LINGO2: variants seen among roughly 807,000 people sequenced by gnomAD.
The protein encoded by LINGO2 is leucine-rich repeat and immunoglobulin-like domain-containing nogo receptor-interacting protein 2.
LINGO2 carries 14 observed loss-of-function variants against 30.6 expected under a neutral mutation model. The ratio of observed to expected loss-of-function variants is 0.46; its 90% CI spans 0.30 to 0.72. The LOEUF is 0.72. Among genes scored for constraint, LINGO2 ranks in the 30% least tolerant of loss-of-function variants. The probability of loss-of-function intolerance (pLI) is 0.07; values close to 1 mark genes in which losing one functional copy is unlikely to be tolerated. For synonymous variants in LINGO2, 317 were observed against 288.5 expected (o/e 1.10, Z -1.00); for missense variants, 729 against 751.7 (o/e 0.97, Z 0.35).
the LINGO2 span, among the ~76,000 whole-genome samples, chr9:29,030,122 A>G: frequency 6.6e-6 from 1 of 152,120 alleles, no homozygotes; most frequent in Non-Finnish European, 1.5e-5. Context: ...TTATGTATTG[A>G]ATTGAGTCCT....
chr9:28,303,317 G>T (rs1254296266), intron 3 of LINGO2, among the ~76,000 whole-genome samples: 1 of 152,084 alleles, frequency 6.6e-6, no homozygotes, highest in Non-Finnish European at 1.5e-5. Flanking sequence ...GGATAATCTT[G>T]GAGGGAAGGA....
At chr9:28,859,719 T>G in the LINGO2 span, among the ~76,000 whole-genome samples, 1 of 151,982 alleles carries the variant, frequency 6.6e-6, no homozygotes, top group African/African-American at 2.4e-5. Context: ...ATATGAATAT[T>G]TTACCATTCT....
the LINGO2 span, among the ~76,000 whole-genome samples, chr9:28,817,231 T>G: frequency 8.0e-6 from 1 of 125,696 alleles, no homozygotes; most frequent in African/African-American, 2.6e-5. Flanking sequence ...AGGATTTGAC[T>G]TAAGATAAAA....
chr9:28,031,170 C>T, intron 4 of LINGO2, among the ~76,000 whole-genome samples: 1 of 152,062 alleles, frequency 6.6e-6, no homozygotes, highest in East Asian at 1.9e-4. Flanking sequence ...AAACACTCAT[C>T]TTCCTGGAGG....
At chr9:28,182,419 T>C (rs1206257498) in intron 4 of LINGO2, among the ~76,000 whole-genome samples, 1 of 152,134 alleles carries the variant, frequency 6.6e-6, no homozygotes, top group East Asian at 1.9e-4. Flanking sequence ...CACTTCATGA[T>C]GAAAATGCCA....
At chr9:28,252,610 G>A (rs1822244364) in intron 4 of LINGO2, among the ~76,000 whole-genome samples, 2 of 151,950 alleles carry the variant, frequency 1.3e-5, no homozygotes, top group East Asian at 3.9e-4. Flanking sequence ...TCAGTTAAAT[G>A]AGAGCAATCA....
At chr9:28,092,912 T>C (rs945659800) in intron 4 of LINGO2, among the ~76,000 whole-genome samples, 1 of 152,052 alleles carries the variant, frequency 6.6e-6, no homozygotes, top group Non-Finnish European at 1.5e-5. Context: ...TTGGACTAAG[T>C]GCTTTCTATG....
the LINGO2 span, among the ~76,000 whole-genome samples, chr9:28,883,574 C>T: frequency 6.9e-6 from 1 of 143,920 alleles, no homozygotes; most frequent in South Asian, 2.2e-4. Flanking sequence ...CATTTCCCTT[C>T]AGTGTATATT....
At chr9:28,807,317 C>G in the LINGO2 span, among the ~76,000 whole-genome samples, 3,604 of 152,184 alleles carry the variant, frequency 0.024, 146 homozygotes, top group African/African-American at 0.081. Context: ...AGCCACCATG[C>G]CCGGCCGTGA....
At chr9:29,103,374 T>C in the LINGO2 span, among the ~76,000 whole-genome samples, 2 of 151,190 alleles carry the variant, frequency 1.3e-5, no homozygotes, top group Non-Finnish European at 3.0e-5. Context: ...AAACACTATT[T>C]ATTTTTAGTA....
intron 5 of LINGO2, among the ~76,000 whole-genome samples, chr9:27,969,145 T>C (rs891716681): frequency 2.6e-5 from 4 of 151,918 alleles, no homozygotes; most frequent in Non-Finnish European, 5.9e-5. Context: ...AGATAAAGTA[T>C]GAAAGAGCAG....
chr9:29,052,789 A>G, the LINGO2 span, among the ~76,000 whole-genome samples: 1 of 152,098 alleles, frequency 6.6e-6, no homozygotes, highest in Non-Finnish European at 1.5e-5. Context: ...TCTTGAGGCT[A>G]TCTCCATTCA....
At chr9:28,895,860 T>A in the LINGO2 span, among the ~76,000 whole-genome samples, 1 of 152,082 alleles carries the variant, frequency 6.6e-6, no homozygotes, top group Non-Finnish European at 1.5e-5. Flanking sequence ...CTTCATTTTT[T>A]AAAAATTTTA....
chr9:27,984,894 G>A (rs1821050159), intron 5 of LINGO2, among the ~76,000 whole-genome samples: 1 of 151,794 alleles, frequency 6.6e-6, no homozygotes, highest in African/African-American at 2.4e-5. Context: ...TCACAACATT[G>A]TAATTATCAC....
At position 28,598,418 on chromosome 9, in the gene LINGO2, CAAAAA is replaced by C. The variant is rs766825127; in HGVS notation, c.-365+71777_-365+71781del. ...GTAAAGAAGAATTTGTTCTCCATAT[CAAAAA>C]AAAAAAAAAAACAAAACAAACAAAC... On this transcript the variant is annotated intron_variant, in intron 1 of 5. Transcript: ENST00000379992. Among the ~76,000 whole-genome samples the C allele has an allele frequency of 8.3e-5, 9 of 109,056 alleles. 1 individual carries two copies. Among genetic ancestry groups the C allele is most frequent in the African/African-American group, 2.9e-4 (8 of 27,304 alleles). The allele number at this position is 109,056 out of a possible 152,430, so 71.5% of individuals were successfully genotyped here.
chr9:28,339,622 A>G (rs73645651), intron 3 of LINGO2, among the ~76,000 whole-genome samples: 6,707 of 152,242 alleles, frequency 0.044, 493 homozygotes, highest in African/African-American at 0.15. Flanking sequence ...TAGTAATATT[A>G]GGATCTATCG....
chr9:28,958,983 A>T, the LINGO2 span, among the ~76,000 whole-genome samples: 1 of 152,192 alleles, frequency 6.6e-6, no homozygotes, highest in Non-Finnish European at 1.5e-5. Context: ...GATCACTCAG[A>T]TAACTTTGTG....
In LINGO2 at chr9:28,582,001, G is replaced by C. The variant is rs559683836; in HGVS notation, c.-365+88199C>G. Among the ~76,000 whole-genome samples the C allele has an allele frequency of 8.6e-5, 13 of 151,830 alleles. No homozygotes were observed. The South Asian group carries it at 1.0e-3, about 12-fold the overall frequency. On this transcript the variant is annotated intron_variant, in intron 1 of 5. Transcript: ENST00000379992. ...TCTTCATATTGGCCCTGTTACTAAG[G>C]CTTCCAGACACTCTATGTTTGTGAG...
At chr9:28,258,763 A>G (rs1822465354) in intron 4 of LINGO2, among the ~76,000 whole-genome samples, 1 of 151,904 alleles carries the variant, frequency 6.6e-6, no homozygotes, top group African/African-American at 2.4e-5. Flanking sequence ...TACCCTTCTT[A>G]TCTGTGAGTT....
Sources: allele counts gnomAD v4.1 joint callset (sites outside exome capture counted in the v4.1 genomes callset), GRCh38; gene constraint gnomAD v4.1.1; transcripts MANE v1.5; gene names NCBI Gene and HGNC (gene_info 2026-07-23, HGNC 2026-07-21).